Variants in CPLX1 observed in about 807,000 individuals in gnomAD.
CPLX1 encodes the protein complexin-1.
In CPLX1, 6 loss-of-function variants were observed where a neutral mutation model predicts 15.6. The observed-to-expected ratio is 0.39, with a 90% confidence interval of 0.21 to 0.76. The LOEUF is 0.76. Ranked by LOEUF, CPLX1 falls within the 30% of genes least tolerant of loss-of-function variation. CPLX1 has a pLI of 0.43. For missense variants in CPLX1, 242 were observed against 188.6 expected, an observed-to-expected ratio of 1.28 and a Z score of -1.66; for synonymous variants, 91 against 75.2, an observed-to-expected ratio of 1.21 and a Z score of -1.08.
At chr4:797,357 T>C (rs914379116) in intron 2 of CPLX1, among the ~76,000 whole-genome samples, 3 of 152,156 alleles carry the variant, frequency 2.0e-5, no homozygotes, top group African/African-American at 4.8e-5. Flanking sequence ...GCAAATAGTC[T>C]AGCTCTGTCG....
chr4:820,756 C>T lies in CPLX1; in HGVS notation c.31+3736G>A, dbSNP rs527813072. On this transcript the variant is annotated intron_variant, in intron 2 of 3. Coordinates refer to ENST00000304062, the MANE Select transcript of CPLX1 (RefSeq NM_006651.4). ...CCCCTCACCAGCCTCACGTGAACCC[C>T]CAAGGTGGACACCCCTCACCAGCCT... Among the ~76,000 whole-genome samples, 70 of 97,942 alleles carry T rather than the reference C, an allele frequency of 7.1e-4. 1 individual carries two copies. In the East Asian group the frequency reaches 0.031, roughly 43 times the overall value. The allele number at this position is 97,942 out of a possible 152,430, so 64.3% of individuals were successfully genotyped here. A position where few individuals can be genotyped will look rare whatever the true frequency, so the allele number is the denominator to read the frequency against.
chr4:810,711 T>C (rs574097931), intron 2 of CPLX1, among the ~76,000 whole-genome samples: 31 of 152,234 alleles, frequency 2.0e-4, no homozygotes, highest in African/African-American at 7.2e-4. Flanking sequence ...TTTTTTTTTT[T>C]TCGAGATGGA....
chr4:801,102 C>A (rs2152645284), intron 2 of CPLX1, among the ~76,000 whole-genome samples: 1 of 151,190 alleles, frequency 6.6e-6, no homozygotes, highest in Middle Eastern at 3.4e-3. Context: ...ATCACGAGGT[C>A]AGGAGATTGA....
intron 3 of CPLX1, 66 bp from the exon 4 acceptor site, chr4:786,764 C>G: frequency 6.6e-7 from 1 of 1,518,666 alleles, no homozygotes; most frequent in Admixed American, 2.0e-5. Context: ...AGCCTCCCTG[C>G]GCCAGGGACT....
intron 2 of CPLX1, among the ~76,000 whole-genome samples, chr4:801,491 C>A (rs753998957): frequency 4.6e-5 from 7 of 152,216 alleles, no homozygotes; most frequent in South Asian, 2.1e-4. Flanking sequence ...CATGATGTCG[C>A]AGCCATTGTA....
At chr4:794,706 T>C (rs1176166231) in intron 2 of CPLX1, among the ~76,000 whole-genome samples, 2 of 152,204 alleles carry the variant, frequency 1.3e-5, no homozygotes, top group Non-Finnish European at 2.9e-5. Flanking sequence ...CCGTGGCTCT[T>C]TCTCCCTCCT....
chr4:824,517 C>T lies in CPLX1; in HGVS notation c.6G>A (p.Glu2=). Residue 2 remains glutamate, a synonymous_variant, in exon 2 of 4, where the codon GAG becomes GAA. Transcript: ENST00000304062. Reference sequence around the variant, plus strand: ...CTCCTAGAGCCTGCTTCATCACAAACTCCATGGCGATTGCTCTGCTTCCAC... The same window carrying T: ...CTCCTAGAGCCTGCTTCATCACAAATTCCATGGCGATTGCTCTGCTTCCAC... M[E]FVMKQALGGA... is the part of the protein sequence containing the mutation. 3 of 1,612,882 alleles carry T rather than the reference C, an allele frequency of 1.9e-6. No individual in the cohort carries two copies. The highest frequency in any genetic ancestry group is 2.5e-6 in the Non-Finnish European group (3 of 1,179,748).
At chr4:786,828 A>G (rs1353720704) in intron 3 of CPLX1, 130 bp from the exon 4 acceptor site, 35 of 1,401,958 alleles carry the variant, frequency 2.5e-5, no homozygotes, top group South Asian at 4.7e-5. Context: ...CCAGGCACAC[A>G]AGGACCCCAG....
At chr4:786,740 C>G (rs766275142) in intron 3 of CPLX1, 42 bp from the exon 4 acceptor site, 1 of 1,540,764 alleles carries the variant, frequency 6.5e-7, no homozygotes. Flanking sequence ...CCCGGCGGCT[C>G]CCGGGCGGGC....
At chr4:824,725 C>T in intron 1 of CPLX1, 124 bp from the exon 2 acceptor site, 2 of 702,932 alleles carry the variant, frequency 2.8e-6, no homozygotes, top group South Asian at 1.5e-5. Context: ...GGAGCGGCTG[C>T]CTGGGAAGTC....
chr4:800,542 A>G (rs1353235915), intron 2 of CPLX1, among the ~76,000 whole-genome samples: 2 of 124,898 alleles, frequency 1.6e-5, no homozygotes, highest in African/African-American at 7.2e-5. Flanking sequence ...ACATACACAC[A>G]CATGTATGTA....
intron 2 of CPLX1, among the ~76,000 whole-genome samples, chr4:799,256 C>A (rs55646005): frequency 0.048 from 7,341 of 152,298 alleles, 353 homozygotes; most frequent in African/African-American, 0.13. Flanking sequence ...TCTGGACAGG[C>A]CTTGCTGGGT....
At position 787,313 on chromosome 4, in the gene CPLX1, G is replaced by A. The variant is rs368860626; in HGVS notation, c.208-615C>T. Reference sequence around the variant, plus strand: ...GCCTAGTCGTGCCCTCAGCCAGTATGCCTGGGCCTCACCGACCCCCTGCCC... The same window carrying A: ...GCCTAGTCGTGCCCTCAGCCAGTATACCTGGGCCTCACCGACCCCCTGCCC... On this transcript the variant is annotated intron_variant, in intron 3 of 3. Coordinates refer to ENST00000304062, the MANE Select transcript of CPLX1 (RefSeq NM_006651.4). 1.3e-5 allele frequency: 13 copies of A among 985,378 alleles called. No individual in the cohort carries two copies. In the African/African-American group the frequency reaches 2.1e-4, roughly 16 times the overall value. The allele number at this position is 985,378 out of a possible 1,614,324, so 61.0% of individuals were successfully genotyped here. A position where few individuals can be genotyped will look rare whatever the true frequency, so the allele number is the denominator to read the frequency against.
At chr4:819,181 C>G (rs1746815627) in intron 2 of CPLX1, among the ~76,000 whole-genome samples, 1 of 152,266 alleles carries the variant, frequency 6.6e-6, no homozygotes, top group Admixed American at 6.5e-5. Context: ...AATGCTCTAA[C>G]CCCAACTGGA....
chr4:821,602 G>A (rs575295296), intron 2 of CPLX1, among the ~76,000 whole-genome samples: 45 of 152,332 alleles, frequency 3.0e-4, no homozygotes, highest in African/African-American at 8.4e-4. Context: ...CTCCCAGGCC[G>A]TGTTTGCAAC....
chr4:810,694 C>CT (rs1284430891), intron 2 of CPLX1, among the ~76,000 whole-genome samples: 2 of 151,232 alleles, frequency 1.3e-5, no homozygotes, highest in African/African-American at 4.9e-5. Flanking sequence ...TTTCTTTTTT[C>CT]TTTTTCTTTT....
At chr4:820,604 C>T (rs1193661297) in intron 2 of CPLX1, among the ~76,000 whole-genome samples, 3 of 152,114 alleles carry the variant, frequency 2.0e-5, no homozygotes, top group South Asian at 2.1e-4. Flanking sequence ...AGGAGGTGCC[C>T]CCTCCATCCC....
At position 793,311 on chromosome 4, in the gene CPLX1, C is replaced by A. The variant is rs566223277; in HGVS notation, c.32-703G>T. Among the ~76,000 whole-genome samples, 5 of 151,734 alleles carry A rather than the reference C, an allele frequency of 3.3e-5. No homozygotes were observed. The South Asian group carries it at 6.2e-4, about 19-fold the overall frequency. On this transcript the variant is annotated intron_variant, in intron 2 of 3. Transcript: ENST00000304062. ...GGGGCCCTGCTGGGGCAGGAGCTGG[C>A]ATGGGGGTTGGCAGGGGCCCTGCTG...
At chr4:795,346 G>A (rs1355391900) in intron 2 of CPLX1, among the ~76,000 whole-genome samples, 1 of 152,104 alleles carries the variant, frequency 6.6e-6, no homozygotes, top group Non-Finnish European at 1.5e-5. Context: ...CGCCGGCCTC[G>A]ACCTCGACAC....
Sources: gnomAD v4.1 joint callset for allele counts (sites outside exome capture counted in the v4.1 genomes callset) on GRCh38, gnomAD v4.1.1 for gene constraint, MANE v1.5 for transcripts, NCBI Gene and HGNC (gene_info 2026-07-23, HGNC 2026-07-21) for gene names.